Variants in ATP2C1 observed in about 807,000 individuals in gnomAD.
The protein encoded by ATP2C1 is ATPase secretory pathway Ca2+ transporting 1.
Under a neutral mutation model 120.5 loss-of-function variants are expected in ATP2C1, and 31 were observed. The observed-to-expected ratio is 0.26, with a 90% CI of 0.19 to 0.35. ATP2C1 has a LOEUF of 0.35. ATP2C1 is among the 10% of genes least tolerant of loss of function. ATP2C1 has a pLI of 1.00. For missense variants in ATP2C1, 731 were observed against 1,107.5 expected (o/e 0.66, Z 4.83); for synonymous variants, 351 against 358.7 (o/e 0.98, Z 0.24).
intron 2 of ATP2C1, among the ~76,000 whole-genome samples, chr3:130,927,265 G>A (rs1276901914): frequency 6.9e-6 from 1 of 145,972 alleles, no homozygotes; most frequent in South Asian, 2.1e-4. Context: ...TTTTGAGACA[G>A]AGTCTCGCTC....
downstream of ATP2C1, among the ~76,000 whole-genome samples, chr3:131,007,316 A>G (rs915438721): frequency 1.3e-5 from 2 of 152,180 alleles, no homozygotes; most frequent in Non-Finnish European, 2.9e-5. Context: ...TGATTTTGCT[A>G]TTCCTATCCT....
chr3:130,992,179 G>A (rs138341221), intron 20 of ATP2C1, among the ~76,000 whole-genome samples: 74 of 152,252 alleles, frequency 4.9e-4, no homozygotes, highest in African/African-American at 1.7e-3. Context: ...AGCGGATACC[G>A]TGTTCCACCT....
intron 26 of ATP2C1, among the ~76,000 whole-genome samples, chr3:131,012,600 C>G (rs1193560777): frequency 6.6e-6 from 1 of 152,052 alleles, no homozygotes; most frequent in Non-Finnish European, 1.5e-5. Flanking sequence ...ACCTTATTTT[C>G]CAGTAACATT....
intron 1 of ATP2C1, among the ~76,000 whole-genome samples, chr3:130,885,942 T>C (rs1488517763): frequency 6.6e-6 from 1 of 152,216 alleles, no homozygotes; most frequent in Admixed American, 6.5e-5. Flanking sequence ...TAAATATTCA[T>C]ATAGATGATT....
intron 18 of ATP2C1, among the ~76,000 whole-genome samples, chr3:130,978,039 C>T (rs1009396431): frequency 1.3e-5 from 2 of 152,310 alleles, no homozygotes; most frequent in Non-Finnish European, 2.9e-5. Flanking sequence ...ATACTAACCT[C>T]TAGACTAGTG....
rs946549275 is a variant in ATP2C1, at chr3:130,909,070, A to T, written c.6+14295A>T. On this transcript the variant is annotated intron_variant, in intron 2 of 27. Coordinates refer to ENST00000510168, the MANE Select transcript of ATP2C1 (RefSeq NM_001378687.1). ...TACTTAAGAGCATTGAAGCCTGATTATGCCACTGTTCTTTGGGTTCATGCT... is the reference window on the plus strand; with the variant it reads ...TACTTAAGAGCATTGAAGCCTGATTTTGCCACTGTTCTTTGGGTTCATGCT... Among the ~76,000 whole-genome samples the T allele has an allele frequency of 1.2e-4, 19 of 152,332 alleles. No homozygotes were observed. In the South Asian group the frequency reaches 2.7e-3, roughly 22 times the overall value.
At chr3:130,973,684 T>C (rs546058882) in intron 17 of ATP2C1, among the ~76,000 whole-genome samples, 1 of 152,304 alleles carries the variant, frequency 6.6e-6, no homozygotes, top group South Asian at 2.1e-4. Flanking sequence ...TTCTATTTAA[T>C]ATTTTTGGAC....
chr3:130,980,423 C>T, intron 19 of ATP2C1, 159 bp from the exon 20 acceptor site: 1 of 597,308 alleles, frequency 1.7e-6, no homozygotes, highest in Non-Finnish European at 3.0e-6. Context: ...GAAAGTCAAA[C>T]ATAAAACTCC....
chr3:130,941,615 T>C lies in ATP2C1; in HGVS notation c.447T>C (p.His149=), dbSNP rs2059924201. The C allele has an allele frequency of 6.2e-7, 1 of 1,613,948 alleles. No individual in the cohort carries two copies. Among genetic ancestry groups the C allele is most frequent in the Non-Finnish European group, 8.5e-7 (1 of 1,180,010 alleles). Reference sequence around the variant, plus strand: ...GTGTGCGTGAAGGAAAATTGGAGCATACACTTGCCCGAGACTTGGTTCCAG... The same window carrying C: ...GTGTGCGTGAAGGAAAATTGGAGCACACACTTGCCCGAGACTTGGTTCCAG... ...CHCVREGKLE[H]TLARDLVPGD... is the part of the protein sequence containing the mutation. The change falls in exon 8 of 28, where the codon CAT becomes CAC. Residue 149 remains histidine (H), a synonymous_variant. Coordinates refer to ENST00000510168, the MANE Select transcript of ATP2C1 (RefSeq NM_001378687.1).
downstream of ATP2C1, among the ~76,000 whole-genome samples, chr3:131,006,492 C>G (rs1452896241): frequency 6.6e-6 from 1 of 152,184 alleles, no homozygotes. Context: ...ATACAGTCCA[C>G]TTCCAGATCA....
chr3:130,970,369 T>TACACACACACACACAC lies in ATP2C1; in HGVS notation c.1413+996_1413+1011dup, dbSNP rs201337484. ...GCAACAGCCTGTCTAAAAAAAAAAT[T>TACACACACACACACAC]ACACACACACACACACACACACACA... On this transcript the variant is annotated intron_variant, in intron 17 of 27. Coordinates refer to ENST00000510168, the MANE Select transcript of ATP2C1 (RefSeq NM_001378687.1). Among the ~76,000 whole-genome samples, 175 of 130,718 alleles carry TACACACACACACACAC rather than the reference T, an allele frequency of 1.3e-3. 2 individuals are homozygous for TACACACACACACACAC. Among genetic ancestry groups the TACACACACACACACAC allele is most frequent in the African/African-American group, 3.7e-3 (127 of 34,198 alleles). 85.8% of individuals were successfully genotyped at this position (130,718 alleles called of 152,430 possible).
At chr3:130,903,739 T>TTCCTTTCCTTTC (rs2057986748) in intron 2 of ATP2C1, among the ~76,000 whole-genome samples, 2 of 146,968 alleles carry the variant, frequency 1.4e-5, no homozygotes, top group African/African-American at 5.0e-5. Flanking sequence ...TTCCTTTCCA[T>TTCCTTTCCTTTC]CTTCTGTATT....
At chr3:130,895,758 C>G (rs182069864) in intron 2 of ATP2C1, among the ~76,000 whole-genome samples, 17 of 152,202 alleles carry the variant, frequency 1.1e-4, no homozygotes, top group African/African-American at 3.1e-4. Context: ...CTGACTAGGA[C>G]TAGTAATTTT....
chr3:130,858,082 C>A (rs1015226581), intron 1 of ATP2C1, among the ~76,000 whole-genome samples: 45 of 152,188 alleles, frequency 3.0e-4, no homozygotes, highest in Admixed American at 1.5e-3. Flanking sequence ...CCGGAAGACT[C>A]AGCCAGTTTC....
chr3:130,854,033 G>A (rs2067759634), intron 1 of ATP2C1, among the ~76,000 whole-genome samples: 1 of 131,510 alleles, frequency 7.6e-6, no homozygotes, highest in Non-Finnish European at 1.8e-5. Context: ...TCTCGCACTT[G>A]GTGTCATACA....
intron 1 of ATP2C1, chr3:130,851,042 A>G: frequency 2.0e-6 from 1 of 503,688 alleles, no homozygotes; most frequent in South Asian, 8.1e-5. Flanking sequence ...TACAGGTCAG[A>G]TCCTGCTTGT....
intron 8 of ATP2C1, among the ~76,000 whole-genome samples, chr3:130,944,870 T>G (rs1417616739): frequency 1.3e-5 from 2 of 152,198 alleles, no homozygotes; most frequent in African/African-American, 4.8e-5. Context: ...TTACATACAA[T>G]TGAGTAGTAT....
intron 2 of ATP2C1, chr3:130,918,222 C>A: frequency 6.9e-7 from 1 of 1,439,204 alleles, no homozygotes; most frequent in Non-Finnish European, 9.8e-7. Context: ...TTACACCTTA[C>A]TGGGCATGAA....
chr3:130,972,501 T>C (rs1051360701), intron 17 of ATP2C1, among the ~76,000 whole-genome samples: 1 of 151,832 alleles, frequency 6.6e-6, no homozygotes, highest in Non-Finnish European at 1.5e-5. Flanking sequence ...ACTTTAAGTT[T>C]TAGGGTACAT....
Sources: allele counts gnomAD v4.1 joint callset (sites outside exome capture counted in the v4.1 genomes callset), GRCh38; gene constraint gnomAD v4.1.1; transcripts MANE v1.5; gene names NCBI Gene and HGNC (gene_info 2026-07-23, HGNC 2026-07-21).